The following RALGAPA1 variants were observed in gnomAD, a reference collection of about 807,000 sequenced individuals.
RALGAPA1 encodes the protein ral GTPase-activating protein subunit alpha-1.
Under a neutral mutation model 269.6 loss-of-function variants are expected in RALGAPA1, and 52 were observed. That is an observed-to-expected ratio of 0.19 (90% CI 0.15 to 0.24). The LOEUF (loss-of-function observed/expected upper bound fraction) is 0.24, where lower values mean the gene tolerates loss of function less well. RALGAPA1 is among the 10% of genes least tolerant of loss of function. The pLI is 1.00. For synonymous variants in RALGAPA1, 817 were observed against 1,008.3 expected (o/e 0.81, Z 3.60); for missense variants, 1,917 against 3,013.9 (o/e 0.64, Z 8.52).
intron 26 of RALGAPA1, 70 bp from the exon 27 acceptor site, chr14:35,664,837 T>C: frequency 6.9e-7 from 1 of 1,439,364 alleles, no homozygotes; most frequent in Non-Finnish European, 9.6e-7. Flanking sequence ...AGTTGCTTTG[T>C]TATCCAACTA....
intron 17 of RALGAPA1, among the ~76,000 whole-genome samples, chr14:35,696,557 T>C (rs1195162195): frequency 6.7e-6 from 1 of 150,340 alleles, no homozygotes; most frequent in Admixed American, 6.6e-5. Flanking sequence ...TGGGAACAAA[T>C]AAGGTACTTA....
intron 27 of RALGAPA1, among the ~76,000 whole-genome samples, chr14:35,664,244 T>C (rs1022895993): frequency 6.6e-6 from 1 of 152,164 alleles, no homozygotes; most frequent in African/African-American, 2.4e-5. Flanking sequence ...GTACAGAGTT[T>C]TCCATTACTA....
At chr14:35,715,448 T>A (rs569551311) in intron 16 of RALGAPA1, among the ~76,000 whole-genome samples, 12 of 152,212 alleles carry the variant, frequency 7.9e-5, no homozygotes, top group Non-Finnish European at 1.3e-4. Context: ...AACATGGTTA[T>A]TTTATAGTCT....
intron 41 of RALGAPA1, chr14:35,541,590 A>G: frequency 2.7e-6 from 1 of 372,556 alleles, no homozygotes; most frequent in Admixed American, 3.3e-5. Context: ...ATACTGGAAA[A>G]TTTATGGGAG....
At chr14:35,801,947 A>G (rs2077007168) in intron 1 of RALGAPA1, among the ~76,000 whole-genome samples, 2 of 152,220 alleles carry the variant, frequency 1.3e-5, no homozygotes, top group East Asian at 3.8e-4. Context: ...TCCAGATTAG[A>G]AAGGAAGAAG....
At chr14:35,540,087 C>G (rs2053827876) in intron 41 of RALGAPA1, among the ~76,000 whole-genome samples, 1 of 152,082 alleles carries the variant, frequency 6.6e-6, no homozygotes. Flanking sequence ...CTTCACTACT[C>G]AAACTTGAAA....
At chr14:35,766,838 C>A (rs371676882) in intron 4 of RALGAPA1, 7 of 474,092 alleles carry the variant, frequency 1.5e-5, no homozygotes, top group Non-Finnish European at 2.9e-5. Context: ...CAAAGAAGAC[C>A]ACAGAACAGG....
intron 30 of RALGAPA1, among the ~76,000 whole-genome samples, chr14:35,652,236 G>C (rs1484274800): frequency 6.6e-6 from 1 of 151,864 alleles, no homozygotes; most frequent in African/African-American, 2.4e-5. Context: ...ACCATCATAG[G>C]CTGGGCACGG....
At chr14:35,783,693 A>C (rs1287195716) in intron 1 of RALGAPA1, among the ~76,000 whole-genome samples, 3 of 152,242 alleles carry the variant, frequency 2.0e-5, no homozygotes, top group African/African-American at 7.2e-5. Flanking sequence ...ATTAGTCTCC[A>C]GAATATAGAA....
intron 39 of RALGAPA1, among the ~76,000 whole-genome samples, chr14:35,556,198 C>T (rs950728658): frequency 6.6e-6 from 1 of 152,112 alleles, no homozygotes; most frequent in Non-Finnish European, 1.5e-5. Context: ...TATGGGTAGA[C>T]ATATTTTGCA....
At chr14:35,564,105 G>C (rs1195134244) in intron 39 of RALGAPA1, among the ~76,000 whole-genome samples, 1 of 152,128 alleles carries the variant, frequency 6.6e-6, no homozygotes, top group Admixed American at 6.5e-5. Context: ...TAACTCCCAT[G>C]TAGCTACCAT....
intron 16 of RALGAPA1, among the ~76,000 whole-genome samples, chr14:35,705,956 G>A (rs2067770583): frequency 6.6e-6 from 1 of 152,122 alleles, no homozygotes; most frequent in African/African-American, 2.4e-5. Flanking sequence ...TCTTTGGTGA[G>A]ATGTTTGTTC....
At chr14:35,749,139 A>G (rs1279458623) in intron 9 of RALGAPA1, among the ~76,000 whole-genome samples, 1 of 152,208 alleles carries the variant, frequency 6.6e-6, no homozygotes, top group Non-Finnish European at 1.5e-5. Context: ...GGGTGGATGA[A>G]TAATGGAATT....
chr14:35,690,930 G>A (rs151103300), intron 17 of RALGAPA1, among the ~76,000 whole-genome samples: 65 of 152,104 alleles, frequency 4.3e-4, no homozygotes, highest in African/African-American at 1.3e-3. Context: ...CTAGCCGGGC[G>A]TGGTGGTGCA....
At chr14:35,722,132 A>G (rs545405155) in intron 15 of RALGAPA1, among the ~76,000 whole-genome samples, 2 of 152,334 alleles carry the variant, frequency 1.3e-5, no homozygotes, top group South Asian at 4.1e-4. Flanking sequence ...TAGACAAGAA[A>G]AAAAAGACAG....
chr14:35,698,308 C>G (rs1301581220), intron 17 of RALGAPA1, among the ~76,000 whole-genome samples: 1 of 152,122 alleles, frequency 6.6e-6, no homozygotes, highest in Non-Finnish European at 1.5e-5. Context: ...ACTTCTCATC[C>G]TGGGTATGGC....
At chr14:35,710,114 C>G (rs938239866) in intron 16 of RALGAPA1, among the ~76,000 whole-genome samples, 13 of 152,200 alleles carry the variant, frequency 8.5e-5, no homozygotes, top group African/African-American at 3.1e-4. Flanking sequence ...CTGTCAATTA[C>G]TGATAGAAAG....
In RALGAPA1 at chr14:35,612,684, G is replaced by A. The variant is rs1022169870; in HGVS notation, c.6930-6975C>T. 9.1e-4 allele frequency among the ~76,000 whole-genome samples: 138 copies of A among 151,744 alleles called. 2 individuals carry two copies. Among genetic ancestry groups the A allele is most frequent in the Non-Finnish European group, 1.5e-3 (101 of 67,926 alleles). On this transcript the variant is annotated intron_variant, in intron 35 of 41. Transcript: ENST00000680220. Reference sequence around the variant, plus strand: ...CTCCTGAGTGGCTGGGACTACAGGCGCCCGCCACCACGCCCCGCTAATTTT... The same window carrying A: ...CTCCTGAGTGGCTGGGACTACAGGCACCCGCCACCACGCCCCGCTAATTTT...
Position 35,674,170 on chromosome 14 carries a change from T to C in RALGAPA1, c.4917+10A>G. ...AAGTTTTAAACTAATATTTTATATA[T>C]TAAGCTTACCTTAAAAAGCCAAGGT... On this transcript the variant is annotated intron_variant, in intron 24 of 41. Coordinates refer to ENST00000680220, the MANE Select transcript of RALGAPA1 (RefSeq NM_001346249.2). 5 of 1,576,928 alleles carry C rather than the reference T, an allele frequency of 3.2e-6. No individual in the cohort carries two copies. Among genetic ancestry groups the C allele is most frequent in the Non-Finnish European group, 4.3e-6 (5 of 1,151,378 alleles).
Sources: gnomAD v4.1 joint callset for allele counts (sites outside exome capture counted in the v4.1 genomes callset) on GRCh38, gnomAD v4.1.1 for gene constraint, MANE v1.5 for transcripts, NCBI Gene and HGNC (gene_info 2026-07-23, HGNC 2026-07-21) for gene names.